Variants in MEF2C observed in about 807,000 individuals in gnomAD.
MEF2C encodes myocyte enhancer factor 2C.
MEF2C carries 6 observed loss-of-function variants against 50.5 expected under a neutral mutation model. The ratio of observed to expected loss-of-function variants is 0.12; its 90% CI spans 0.07 to 0.23. MEF2C has a LOEUF of 0.23. Ranked by LOEUF, MEF2C falls within the 10% of genes least tolerant of loss-of-function variation. The pLI is 1.00. For missense variants in MEF2C, 276 were observed against 605.0 expected (o/e 0.46, Z 5.70); for synonymous variants, 183 against 228.0 (o/e 0.80, Z 1.78).
intron 1 of MEF2C, among the ~76,000 whole-genome samples, chr5:88,903,181 A>G (rs1582070009): frequency 6.6e-6 from 1 of 151,856 alleles, no homozygotes; most frequent in African/African-American, 2.4e-5. Flanking sequence ...AATAAAAAAT[A>G]TATAAATATA....
chr5:88,813,801 T>C (rs1804001947), intron 2 of MEF2C, among the ~76,000 whole-genome samples: 1 of 152,162 alleles, frequency 6.6e-6, no homozygotes, highest in African/African-American at 2.4e-5. Flanking sequence ...AAATAGTAGT[T>C]TCTTTGTTTT....
chr5:88,902,866 A>T (rs2150349848), intron 1 of MEF2C, among the ~76,000 whole-genome samples: 1 of 151,220 alleles, frequency 6.6e-6, no homozygotes, highest in South Asian at 2.1e-4. Context: ...GTTTCTTTTA[A>T]ATTCATTAGC....
intron 1 of MEF2C, among the ~76,000 whole-genome samples, chr5:88,863,941 C>A (rs1324764343): frequency 6.6e-6 from 1 of 151,840 alleles, no homozygotes; most frequent in East Asian, 1.9e-4. Context: ...CCTGCCTCAG[C>A]CTCCTGAGTG....
intron 1 of MEF2C, among the ~76,000 whole-genome samples, chr5:88,836,406 G>C (rs1478751533): frequency 6.6e-6 from 1 of 151,738 alleles, no homozygotes; most frequent in Non-Finnish European, 1.5e-5. Flanking sequence ...ATACAAACCA[G>C]ACATGGAAAT....
intron 1 of MEF2C, among the ~76,000 whole-genome samples, chr5:88,833,100 G>A (rs1813688372): frequency 6.6e-6 from 1 of 152,046 alleles, no homozygotes; most frequent in South Asian, 2.1e-4. Context: ...GGTAATGCCA[G>A]GAAAAACATT....
chr5:88,778,703 A>G (rs957162937), intron 3 of MEF2C, among the ~76,000 whole-genome samples: 7 of 152,222 alleles, frequency 4.6e-5, no homozygotes, highest in Admixed American at 4.6e-4. Context: ...AGATGAGAGG[A>G]AAAATAAAGT....
chr5:88,777,644 A>C (rs1358547207), intron 3 of MEF2C, among the ~76,000 whole-genome samples: 1 of 152,188 alleles, frequency 6.6e-6, no homozygotes, highest in African/African-American at 2.4e-5. Context: ...TGACTGACAA[A>C]TCTTATTTTT....
intron 3 of MEF2C, chr5:88,771,460 G>A (rs1782393284): frequency 1.0e-6 from 1 of 985,242 alleles, no homozygotes; most frequent in Admixed American, 6.2e-5. Flanking sequence ...AGGCACTCAG[G>A]AACTCCCTTT....
In MEF2C at chr5:88,753,180, A is replaced by G. The variant is rs967487098; in HGVS notation, c.403-1137T>C. On this transcript the variant is annotated intron_variant, in intron 4 of 10. Coordinates refer to ENST00000504921, the MANE Select transcript of MEF2C (RefSeq NM_002397.5). ...TTTGGTTGGCTGGCCTGCATCATAC[A>G]TCTTTCTGTGTAATATTTCTCTGTT... 2.6e-5 allele frequency among the ~76,000 whole-genome samples: 4 copies of G among 152,130 alleles called. No homozygotes were observed. The East Asian group carries it at 7.7e-4, about 29-fold the overall frequency.
chr5:88,859,254 C>T (rs371788019), intron 1 of MEF2C, among the ~76,000 whole-genome samples: 1 of 152,082 alleles, frequency 6.6e-6, no homozygotes, highest in African/African-American at 2.4e-5. Flanking sequence ...TTTTGGGATG[C>T]AAATTATTCA....
chr5:88,832,509 AAGC>A (rs1320069670), intron 1 of MEF2C, among the ~76,000 whole-genome samples: 1 of 152,082 alleles, frequency 6.6e-6, no homozygotes, highest in Non-Finnish European at 1.5e-5. Context: ...GCCTTCCTAC[AAGC>A]GCAGGTAGCC....
intron 1 of MEF2C, among the ~76,000 whole-genome samples, chr5:88,838,018 G>A (rs1351067777): frequency 6.6e-6 from 1 of 152,130 alleles, no homozygotes; most frequent in Non-Finnish European, 1.5e-5. Flanking sequence ...AGGTCACACA[G>A]CTAGTGTTAG....
In MEF2C at chr5:88,781,020, T is replaced by A. The variant is rs977148679; in HGVS notation, c.259-19692A>T. 3.7e-6 allele frequency: 3 copies of A among 811,086 alleles called. No individual in the cohort carries two copies. In the African/African-American group the frequency reaches 5.6e-5, roughly 15 times the overall value. The allele number at this position is 811,086 out of a possible 1,614,324, so 50.2% of individuals were successfully genotyped here. A position where few individuals can be genotyped will look rare whatever the true frequency, so the allele number is the denominator to read the frequency against. ...CCTCTATTTGGCAGAGTTCCACTTT[T>A]TTTTTCTTTTAACTCTATTTTGACT... is the stretch of plus-strand genomic sequence containing the variant. On this transcript the variant is annotated intron_variant, in intron 3 of 10. Coordinates refer to ENST00000504921, the MANE Select transcript of MEF2C (RefSeq NM_002397.5).
In MEF2C at chr5:88,832,347, AT is replaced by A. The variant is rs529112425; in HGVS notation, c.-142-8418del. ...ATTTAGAAGTTGGGCTTAATATTCT[AT>A]TTTTTTTTTAACATTTGAAATTATC... On this transcript the variant is annotated intron_variant, in intron 1 of 10. Coordinates refer to ENST00000504921, the MANE Select transcript of MEF2C (RefSeq NM_002397.5). Among the ~76,000 whole-genome samples the A allele has an allele frequency of 1.7e-3, 256 of 149,538 alleles. 1 individual carries two copies. Among genetic ancestry groups the A allele is most frequent in the Middle Eastern group, 6.8e-3 (2 of 292 alleles).
At chr5:88,849,054 C>T (rs573800261) in intron 1 of MEF2C, among the ~76,000 whole-genome samples, 6 of 149,722 alleles carry the variant, frequency 4.0e-5, no homozygotes, top group Admixed American at 6.7e-5. Flanking sequence ...AGGAGGCTGA[C>T]GCAGGAGAAT....
At chr5:88,857,408 G>T (rs764457493) in intron 1 of MEF2C, among the ~76,000 whole-genome samples, 3 of 152,158 alleles carry the variant, frequency 2.0e-5, no homozygotes, top group African/African-American at 4.8e-5. Flanking sequence ...TTTGGATTTC[G>T]ACTTTTGGGT....
intron 1 of MEF2C, among the ~76,000 whole-genome samples, chr5:88,876,552 G>C (rs931261672): frequency 8.6e-5 from 13 of 151,900 alleles, no homozygotes; most frequent in African/African-American, 3.1e-4. Context: ...TGTTTATTAA[G>C]TAGCAGACAA....
At chr5:88,843,542 C>A in intron 1 of MEF2C, 1 of 887,528 alleles carries the variant, frequency 1.1e-6, no homozygotes, top group Non-Finnish European at 1.3e-6. Context: ...ATACCTTATT[C>A]ATTTTTTCTA....
intron 1 of MEF2C, among the ~76,000 whole-genome samples, chr5:88,851,010 C>A (rs1581569517): frequency 6.6e-6 from 1 of 151,982 alleles, no homozygotes; most frequent in African/African-American, 2.4e-5. Context: ...TTTTCCCTAG[C>A]CTACTTTCTT....
Sources: allele counts gnomAD v4.1 joint callset (sites outside exome capture counted in the v4.1 genomes callset), GRCh38; gene constraint gnomAD v4.1.1; transcripts MANE v1.5; gene names NCBI Gene and HGNC (gene_info 2026-07-23, HGNC 2026-07-21).